The following ASXL1 variants were observed in gnomAD, a reference collection of about 807,000 sequenced individuals.
ASXL1 encodes ASXL transcriptional regulator 1.
ASXL1 carries 65 observed loss-of-function variants against 89.1 expected under a neutral mutation model. The ratio of observed to expected loss-of-function variants is 0.73; its 90% confidence interval spans 0.60 to 0.90. The LOEUF (loss-of-function observed/expected upper bound fraction) is 0.90. ASXL1 is among the 40% of genes least tolerant of loss of function. The pLI is 0.00. For missense variants in ASXL1, 1,786 were observed against 1,942.9 expected (o/e 0.92, Z 1.52); for synonymous variants, 739 against 746.9 (o/e 0.99, Z 0.17).
At chr20:32,421,866 C>CTTTTTTTTTTTTTTTTT (rs71299232) in intron 4 of ASXL1, among the ~76,000 whole-genome samples, 1 of 105,254 alleles carries the variant, frequency 9.5e-6, no homozygotes, top group Non-Finnish European at 1.9e-5. Context: ...GGTTTCTTTT[C>CTTTTTTTTTTTTTTTTT]TTTTTTTTTT....
intron 8 of ASXL1, 116 bp from the exon 9 acceptor site, chr20:32,431,205 T>C (rs1250276443): frequency 1.6e-6 from 2 of 1,220,862 alleles, no homozygotes; most frequent in African/African-American, 1.5e-5. Flanking sequence ...ATTGAGCAGA[T>C]TGTGTGCAGA....
chr20:32,389,963 G>A (rs1235650599), intron 4 of ASXL1, among the ~76,000 whole-genome samples: 1 of 152,216 alleles, frequency 6.6e-6, no homozygotes, highest in Non-Finnish European at 1.5e-5. Context: ...TATTTTAACA[G>A]TGCTATTTAA....
rs2145363238 is a variant in ASXL1, at chr20:32,434,818, A to G, written c.2106A>G (p.Leu702=). 6.2e-7 allele frequency: 1 copy of G among 1,614,080 alleles called. No individual in the cohort carries two copies. Among genetic ancestry groups the G allele is most frequent in the South Asian group, 1.1e-5 (1 of 91,076 alleles). The change falls in exon 13 of 13, where the codon CTA becomes CTG. Residue 702 remains leucine (L), a synonymous_variant. Coordinates refer to ENST00000375687, the MANE Select transcript of ASXL1 (RefSeq NM_015338.6). ...QRTQLLPPYP[L]NGEHTQAGTA... is the part of the protein sequence containing the mutation. ...CACAACTACTGCCGCCTTATCCTCT[A>G]AATGGGGAGCATACCCAGGCCGGAA...
At chr20:32,428,952 T>G (rs1019764566) in intron 6 of ASXL1, 1 of 345,476 alleles carries the variant, frequency 2.9e-6, no homozygotes, top group Non-Finnish European at 5.6e-6. Flanking sequence ...TGAGTCACCA[T>G]GCCTAGCCTG....
rs761096720 is a variant in ASXL1, at chr20:32,436,117, A to G, written c.3405A>G (p.Gln1135=). ...AHDDSMSESP[Q]VPLTKDQSHG... Reference sequence around the variant, plus strand: ...ATGACAGCATGTCAGAATCCCCACAAGTACCACTTACAAAAGACCAGAGCC... The same window carrying G: ...ATGACAGCATGTCAGAATCCCCACAGGTACCACTTACAAAAGACCAGAGCC... Residue 1135 remains glutamine, a synonymous_variant, in exon 13 of 13, where the codon CAA becomes CAG. Transcript: ENST00000375687. The G allele has an allele frequency of 1.9e-6, 3 of 1,614,062 alleles. No individual in the cohort carries two copies. Among genetic ancestry groups the G allele is most frequent in the Non-Finnish European group, 8.5e-7 (1 of 1,180,040 alleles).
chr20:32,416,091 A>C (rs1327550964), intron 4 of ASXL1, among the ~76,000 whole-genome samples: 2 of 152,192 alleles, frequency 1.3e-5, no homozygotes, highest in East Asian at 3.8e-4. Flanking sequence ...TTGAGATATA[A>C]TAGTTATATG....
At chr20:32,395,401 A>G (rs565860989) in intron 4 of ASXL1, among the ~76,000 whole-genome samples, 19 of 152,072 alleles carry the variant, frequency 1.2e-4, no homozygotes, top group Non-Finnish European at 2.6e-4. Context: ...TCAGCGAGCA[A>G]ATTTATCTTT....
chr20:32,367,164 G>T (rs1259756488), intron 2 of ASXL1, among the ~76,000 whole-genome samples: 2 of 151,620 alleles, frequency 1.3e-5, no homozygotes, highest in African/African-American at 4.9e-5. Flanking sequence ...GATCACTTAG[G>T]TCAGGAGTTC....
chr20:32,364,818 A>G (rs2048179467), intron 1 of ASXL1, among the ~76,000 whole-genome samples: 1 of 152,360 alleles, frequency 6.6e-6, no homozygotes, highest in East Asian at 1.9e-4. Flanking sequence ...GTGAATCCCT[A>G]GAATTGTGTC....
rs565335305 is a variant in ASXL1 at position 32,428,031 on chromosome 20, A to G, written c.253-97A>G. On this transcript the variant is annotated intron_variant, in intron 4 of 12. Transcript: ENST00000375687. The stretch of plus-strand genomic sequence containing the variant: ...GGTTAGGAACTTGTCAGTATTCTAA[A>G]TCCCTCTTTTTCAAAAGCATACACA... 254 of 1,554,628 alleles carry G rather than the reference A, an allele frequency of 1.6e-4. No homozygotes were observed. The African/African-American group carries it at 3.0e-3, about 19-fold the overall frequency.
intron 1 of ASXL1, 30 bp from the exon 2 acceptor site, chr20:32,366,354 A>G: frequency 6.4e-7 from 1 of 1,561,474 alleles, no homozygotes; most frequent in Non-Finnish European, 8.8e-7. Context: ...GAAATTGCAC[A>G]CTGAAATTAG....
At chr20:32,358,888 G>A in intron 1 of ASXL1, 56 bp downstream of exon 1, 1 of 1,428,972 alleles carries the variant, frequency 7.0e-7, no homozygotes, top group South Asian at 1.5e-5. Context: ...GGGGCTCGCC[G>A]CGCACCCCCC....
chr20:32,386,235 G>T (rs1464318675), intron 4 of ASXL1, among the ~76,000 whole-genome samples: 1 of 152,160 alleles, frequency 6.6e-6, no homozygotes, highest in East Asian at 1.9e-4. Context: ...CATAGAAGAG[G>T]TGCTGTGGCA....
chr20:32,362,542 C>T (rs986675193), intron 1 of ASXL1, among the ~76,000 whole-genome samples: 13 of 152,020 alleles, frequency 8.6e-5, no homozygotes, highest in East Asian at 5.8e-4. Flanking sequence ...AGGCTGAGGC[C>T]GGAGAATGGC....
chr20:32,398,503 A>G (rs1287230134), intron 4 of ASXL1, among the ~76,000 whole-genome samples: 1 of 151,634 alleles, frequency 6.6e-6, no homozygotes, highest in Non-Finnish European at 1.5e-5. Context: ...GGCAAACACC[A>G]GTCTGCTCTG....
intron 4 of ASXL1, among the ~76,000 whole-genome samples, chr20:32,387,698 C>T (rs532228396): frequency 5.3e-5 from 8 of 152,226 alleles, no homozygotes; most frequent in Non-Finnish European, 1.2e-4. Flanking sequence ...ATCTCATCTT[C>T]CTTTGCTTTG....
chr20:32,397,674 C>G (rs971801161), intron 4 of ASXL1, among the ~76,000 whole-genome samples: 1 of 152,120 alleles, frequency 6.6e-6, no homozygotes, highest in East Asian at 1.9e-4. Context: ...GCTGGAATTG[C>G]AGGCGTGAGC....
chr20:32,396,161 A>T (rs2048759498), intron 4 of ASXL1, among the ~76,000 whole-genome samples: 1 of 152,212 alleles, frequency 6.6e-6, no homozygotes, highest in Non-Finnish European at 1.5e-5. Context: ...CATGTGAAAT[A>T]TAATAACTTT....
intron 4 of ASXL1, among the ~76,000 whole-genome samples, chr20:32,377,712 G>T (rs944589119): frequency 6.6e-6 from 1 of 151,744 alleles, no homozygotes; most frequent in Non-Finnish European, 1.5e-5. Flanking sequence ...GAGTGCAATG[G>T]CATGGTCTTG....
Sources: gnomAD v4.1 joint callset for allele counts (sites outside exome capture counted in the v4.1 genomes callset) on GRCh38, gnomAD v4.1.1 for gene constraint, MANE v1.5 for transcripts, NCBI Gene and HGNC (gene_info 2026-07-23, HGNC 2026-07-21) for gene names.